The following SPRED1 variants were observed in gnomAD, a reference collection of about 807,000 sequenced individuals.
The protein encoded by SPRED1 is sprouty related EVH1 domain containing 1.
A neutral mutation model predicts 52.3 loss-of-function variants in SPRED1; 18 were observed. The ratio of observed to expected loss-of-function variants is 0.34; its 90% CI spans 0.24 to 0.51. The LOEUF (loss-of-function observed/expected upper bound fraction) is 0.51. Among genes scored for constraint, SPRED1 ranks in the 20% least tolerant of loss-of-function variants. The pLI is 0.97. For synonymous variants in SPRED1, 155 were observed against 179.7 expected, an observed-to-expected ratio of 0.86 and a Z score of 1.10; for missense variants, 485 against 551.0, an observed-to-expected ratio of 0.88 and a Z score of 1.20.
intron 4 of SPRED1, among the ~76,000 whole-genome samples, chr15:38,325,419 C>CG (rs1261210910): frequency 1.3e-5 from 2 of 151,886 alleles, no homozygotes; most frequent in Admixed American, 1.3e-4. Context: ...TAAGAGATAT[C>CG]AATCTTTATA....
chr15:38,258,421 A>G (rs1034989131), intron 1 of SPRED1, among the ~76,000 whole-genome samples: 2 of 152,178 alleles, frequency 1.3e-5, no homozygotes, highest in Non-Finnish European at 2.9e-5. Flanking sequence ...ATTAGTTGTA[A>G]TCAGTCTCCT....
chr15:38,318,885 A>G (rs962322368), intron 2 of SPRED1, among the ~76,000 whole-genome samples: 1 of 152,128 alleles, frequency 6.6e-6, no homozygotes, highest in African/African-American at 2.4e-5. Context: ...TGTCTTTGCT[A>G]TTGTGAATAG....
intron 6 of SPRED1, 149 bp from the exon 7 acceptor site, chr15:38,350,865 A>G (rs1888467733): frequency 1.2e-6 from 1 of 819,774 alleles, no homozygotes; most frequent in South Asian, 1.6e-5. Context: ...ATAGTCCACC[A>G]ACTGAAATGT....
intron 2 of SPRED1, among the ~76,000 whole-genome samples, chr15:38,319,317 A>G (rs1180529933): frequency 6.6e-6 from 1 of 152,210 alleles, no homozygotes; most frequent in African/African-American, 2.4e-5. Context: ...CAAATATTTA[A>G]TAGTAAATCT....
intron 3 of SPRED1, among the ~76,000 whole-genome samples, chr15:38,324,366 A>G (rs1895666750): frequency 6.6e-6 from 1 of 152,222 alleles, no homozygotes; most frequent in Non-Finnish European, 1.5e-5. Context: ...AATCCTGGTT[A>G]TGGGTACTAA....
chr15:38,278,163 G>A (rs1352337696), intron 1 of SPRED1, among the ~76,000 whole-genome samples: 1 of 152,118 alleles, frequency 6.6e-6, no homozygotes, highest in African/African-American at 2.4e-5. Context: ...AGAAATTCAT[G>A]TTTGTTACTA....
intron 4 of SPRED1, among the ~76,000 whole-genome samples, chr15:38,333,965 G>A (rs769567851): frequency 2.6e-5 from 4 of 151,980 alleles, no homozygotes; most frequent in Non-Finnish European, 4.4e-5. Context: ...CTCTTCATAC[G>A]GAGTAGGTTG....
At chr15:38,341,434 TA>T (rs776149517) in intron 5 of SPRED1, among the ~76,000 whole-genome samples, 6 of 151,986 alleles carry the variant, frequency 3.9e-5, no homozygotes, top group Admixed American at 6.6e-5. Context: ...TCTCTTTTTC[TA>T]ATGTATGTAT....
At chr15:38,285,757 C>T (rs1894794300) in intron 1 of SPRED1, among the ~76,000 whole-genome samples, 2 of 152,138 alleles carry the variant, frequency 1.3e-5, no homozygotes, top group East Asian at 3.8e-4. Context: ...TCAAATGTTC[C>T]TGGCTTTAAT....
At chr15:38,322,979 A>G (rs957150936) in intron 3 of SPRED1, among the ~76,000 whole-genome samples, 4 of 152,120 alleles carry the variant, frequency 2.6e-5, no homozygotes, top group Non-Finnish European at 5.9e-5. Flanking sequence ...ATGTTTTTTC[A>G]TGTAAGACTG....
intron 4 of SPRED1, among the ~76,000 whole-genome samples, chr15:38,329,952 G>A (rs774185176): frequency 1.5e-4 from 23 of 152,026 alleles, no homozygotes; most frequent in African/African-American, 2.2e-4. Flanking sequence ...AATCATTCAC[G>A]TCATTGAATA....
chr15:38,328,706 A>G (rs1449236380), intron 4 of SPRED1, among the ~76,000 whole-genome samples: 3 of 152,004 alleles, frequency 2.0e-5, no homozygotes, highest in East Asian at 3.9e-4. Flanking sequence ...TAATGAGACA[A>G]TTGAGAGCTT....
chr15:38,268,976 C>T (rs1369889933), intron 1 of SPRED1, among the ~76,000 whole-genome samples: 7 of 150,136 alleles, frequency 4.7e-5, no homozygotes, highest in South Asian at 2.1e-4. Flanking sequence ...AGTCCCGCTC[C>T]GTCGCCTAGG....
At chr15:38,334,507 A>C (rs1895869787) in intron 4 of SPRED1, among the ~76,000 whole-genome samples, 1 of 152,094 alleles carries the variant, frequency 6.6e-6, no homozygotes, top group Admixed American at 6.6e-5. Flanking sequence ...TTCTAGCCTC[A>C]ACTCCACAGA....
At chr15:38,347,942 T>C (rs373354487) in intron 5 of SPRED1, among the ~76,000 whole-genome samples, 10 of 152,124 alleles carry the variant, frequency 6.6e-5, no homozygotes, top group East Asian at 5.8e-4. Context: ...TATTGTCCAT[T>C]TATTTGTCTT....
In SPRED1 at chr15:38,322,387, A is replaced by G; in HGVS notation, c.354A>G (p.Arg118=). The G allele has an allele frequency of 6.2e-7, 1 of 1,613,782 alleles. No homozygotes were observed. Among genetic ancestry groups the G allele is most frequent in the Non-Finnish European group, 8.5e-7 (1 of 1,179,820 alleles). The stretch of plus-strand genomic sequence containing the variant: ...GGGCTTTTGATAGAGGTATCCGAAG[A>G]GCTATAGAGGATATTTCTCAAGGTA... The part of the protein sequence containing the change: ...DARAFDRGIR[R]AIEDISQGCP... Residue 118 remains arginine (R), a synonymous_variant, in exon 3 of 7, where the codon AGA becomes AGG. Coordinates refer to ENST00000299084, the MANE Select transcript of SPRED1 (RefSeq NM_152594.3).
rs1346061720 is a variant in SPRED1 at position 38,352,703 on chromosome 15, C to G, written c.*1039C>G. 1 of 152,060 alleles carries G rather than the reference C, an allele frequency of 6.6e-6. No individual in the cohort carries two copies. The highest frequency in any genetic ancestry group is 2.4e-5 in the African/African-American group (1 of 41,414). The allele number at this position is 152,060 out of a possible 1,614,324, so 9.4% of individuals were successfully genotyped here. On this transcript the variant is annotated 3_prime_UTR_variant, in exon 7 of 7. Coordinates refer to ENST00000299084, the MANE Select transcript of SPRED1 (RefSeq NM_152594.3). ...TAAAAGCTTCATGTTGAGATCTTCA[C>G]GTATCATTCTGCTAAACCAGAATAT...
At chr15:38,292,003 A>T (rs1166067290) in intron 1 of SPRED1, among the ~76,000 whole-genome samples, 2 of 152,234 alleles carry the variant, frequency 1.3e-5, no homozygotes, top group Non-Finnish European at 2.9e-5. Flanking sequence ...AAATTTTCTG[A>T]ACTTTAATAC....
At chr15:38,336,487 T>TAATATTTTATATATATGTTATATA (rs1895925761) in intron 4 of SPRED1, among the ~76,000 whole-genome samples, 1 of 147,648 alleles carries the variant, frequency 6.8e-6, no homozygotes, top group African/African-American at 2.5e-5. Context: ...GTTATATATA[T>TAATATTTTATATATATGTTATATA]TATTTGAGTC....
Sources: gnomAD v4.1 joint callset for allele counts (sites outside exome capture counted in the v4.1 genomes callset) on GRCh38, gnomAD v4.1.1 for gene constraint, MANE v1.5 for transcripts, NCBI Gene and HGNC (gene_info 2026-07-23, HGNC 2026-07-21) for gene names.